The following TMEM117 variants were observed in gnomAD, a reference collection of about 807,000 sequenced individuals.
The protein encoded by TMEM117 is transmembrane protein 117.
Under a neutral mutation model 52.4 loss-of-function variants are expected in TMEM117, and 27 were observed. The observed-to-expected ratio is 0.51, with a 90% CI of 0.38 to 0.71. The LOEUF is 0.71. TMEM117 is among the 30% of genes least tolerant of loss of function. The probability of loss-of-function intolerance (pLI) is 0.00; values close to 1 mark genes in which losing one functional copy is unlikely to be tolerated. For synonymous variants in TMEM117, 215 were observed against 206.3 expected (o/e 1.04, Z -0.36); for missense variants, 556 against 630.5 (o/e 0.88, Z 1.26).
Position 44,009,067 on chromosome 12 carries a change from C to G in TMEM117, c.410+64725C>G, listed in dbSNP as rs542673179. On this transcript the variant is annotated intron_variant, in intron 3 of 7. Coordinates refer to ENST00000266534, the MANE Select transcript of TMEM117 (RefSeq NM_032256.3). ...CATTCCTGACATTTAAAAGGTTTCT[C>G]TCCTGTGTGGTGTTTCCCATGAAGA... 839 of 372,982 alleles carry G rather than the reference C, an allele frequency of 2.2e-3. 6 individuals carry two copies. The highest frequency in any genetic ancestry group is 3.4e-3 in the Non-Finnish European group (657 of 190,546). The allele number at this position is 372,982 out of a possible 1,614,324, so 23.1% of individuals were successfully genotyped here. A position where few individuals can be genotyped will look rare whatever the true frequency, so the allele number is the denominator to read the frequency against.
chr12:43,888,378 A>C (rs1944036509), intron 2 of TMEM117, among the ~76,000 whole-genome samples: 1 of 152,098 alleles, frequency 6.6e-6, no homozygotes, highest in African/African-American at 2.4e-5. Flanking sequence ...CCATACAACT[A>C]TTTTATAATT....
At chr12:44,368,190 T>A (rs1592722443) in intron 6 of TMEM117, among the ~76,000 whole-genome samples, 1 of 152,118 alleles carries the variant, frequency 6.6e-6, no homozygotes, top group East Asian at 1.9e-4. Context: ...GTTTTCTTTT[T>A]AATAATTAAA....
chr12:44,133,930 G>A (rs181885626), intron 3 of TMEM117, among the ~76,000 whole-genome samples: 61 of 152,132 alleles, frequency 4.0e-4, no homozygotes, highest in African/African-American at 1.3e-3. Context: ...TTATCTTCTT[G>A]TTACCTTTTT....
chr12:44,169,465 T>G (rs1720911514), intron 4 of TMEM117, among the ~76,000 whole-genome samples: 1 of 152,196 alleles, frequency 6.6e-6, no homozygotes, highest in Non-Finnish European at 1.5e-5. Context: ...AAGTATCTTT[T>G]CATGTACTTA....
chr12:43,966,220 C>A (rs1175680392), intron 3 of TMEM117, among the ~76,000 whole-genome samples: 1 of 152,184 alleles, frequency 6.6e-6, no homozygotes, highest in Admixed American at 6.5e-5. Flanking sequence ...CTCTTTCAAT[C>A]TGTTTTCTCT....
intron 2 of TMEM117, among the ~76,000 whole-genome samples, chr12:43,865,909 A>T (rs1943588286): frequency 6.6e-6 from 1 of 151,824 alleles, no homozygotes; most frequent in African/African-American, 2.4e-5. Flanking sequence ...TAATAAAACA[A>T]TGTATCATCT....
chr12:44,367,984 G>T (rs200346298), intron 6 of TMEM117, among the ~76,000 whole-genome samples: 1 of 152,028 alleles, frequency 6.6e-6, no homozygotes, highest in East Asian at 1.9e-4. Flanking sequence ...CCTACAGTCA[G>T]TTTATAACTG....
At chr12:43,959,009 A>G (rs959989338) in intron 3 of TMEM117, among the ~76,000 whole-genome samples, 57 of 152,072 alleles carry the variant, frequency 3.7e-4, no homozygotes, top group East Asian at 9.7e-4. Flanking sequence ...GGGTTTCACC[A>G]TGTTCGCCAG....
Position 43,972,652 on chromosome 12 carries a change from T to C in TMEM117, c.410+28310T>C, listed in dbSNP as rs547004722. On this transcript the variant is annotated intron_variant, in intron 3 of 7. Transcript: ENST00000266534. The stretch of plus-strand genomic sequence containing the variant: ...CTGATTGGTCCATTTTACAAACCTC[T>C]AGGTAGCCACAGAGTGCTGATTGGT... Among the ~76,000 whole-genome samples the C allele has an allele frequency of 1.4e-4, 21 of 152,232 alleles. 1 individual carries two copies. The highest frequency in any genetic ancestry group is 4.8e-4 in the African/African-American group (20 of 41,546).
At chr12:44,305,308 G>T (rs747597174) in intron 6 of TMEM117, among the ~76,000 whole-genome samples, 6 of 152,078 alleles carry the variant, frequency 3.9e-5, no homozygotes, top group African/African-American at 7.2e-5. Context: ...TGACAAGTGA[G>T]ACCTAATTAA....
intron 6 of TMEM117, among the ~76,000 whole-genome samples, chr12:44,320,292 A>G (rs1203611032): frequency 6.6e-6 from 1 of 152,146 alleles, no homozygotes. Context: ...TTAGACTCTT[A>G]TCACCTATAC....
At chr12:44,399,004 T>G in the TMEM117 span, among the ~76,000 whole-genome samples, 1 of 152,306 alleles carries the variant, frequency 6.6e-6, no homozygotes, top group East Asian at 1.9e-4. Flanking sequence ...TTAGCTTGAT[T>G]TAATTATTCC....
chr12:43,807,866 T>G, the TMEM117 span, among the ~76,000 whole-genome samples: 1 of 152,244 alleles, frequency 6.6e-6, no homozygotes, highest in South Asian at 2.1e-4. Flanking sequence ...TTTCTTCATC[T>G]ATTGTGTCTC....
chr12:44,029,608 C>CCT (rs373307966), intron 3 of TMEM117, among the ~76,000 whole-genome samples: 1 of 151,448 alleles, frequency 6.6e-6, no homozygotes, highest in African/African-American at 2.4e-5. Context: ...AGGCAATGCT[C>CCT]CTCTCTCTCT....
intron 6 of TMEM117, among the ~76,000 whole-genome samples, chr12:44,314,290 A>G (rs935494641): frequency 2.6e-5 from 4 of 151,994 alleles, no homozygotes; most frequent in African/African-American, 9.7e-5. Flanking sequence ...TTATTTGTTG[A>G]GGTTTTATAA....
intron 4 of TMEM117, among the ~76,000 whole-genome samples, chr12:44,148,686 T>C (rs1377277051): frequency 2.6e-5 from 4 of 152,182 alleles, no homozygotes; most frequent in Non-Finnish European, 5.9e-5. Context: ...TAAAAACTCT[T>C]CCTGACTTGA....
chr12:43,912,600 G>A (rs1340617931), intron 2 of TMEM117, among the ~76,000 whole-genome samples: 1 of 147,006 alleles, frequency 6.8e-6, no homozygotes, highest in Non-Finnish European at 1.5e-5. Flanking sequence ...TATATCCTTG[G>A]CACTTTTAAG....
intron 5 of TMEM117, among the ~76,000 whole-genome samples, chr12:44,254,429 A>T (rs1204131399): frequency 6.6e-6 from 1 of 152,012 alleles, no homozygotes; most frequent in Non-Finnish European, 1.5e-5. Context: ...ATGAAATGAA[A>T]ACTCTAAGTA....
intron 4 of TMEM117, among the ~76,000 whole-genome samples, chr12:44,180,627 G>A (rs200015443): frequency 3.3e-5 from 5 of 151,276 alleles, no homozygotes; most frequent in Admixed American, 6.6e-5. Flanking sequence ...TCTTGTGATA[G>A]TTTACTGAGA....
Sources: allele counts gnomAD v4.1 joint callset (sites outside exome capture counted in the v4.1 genomes callset), GRCh38; gene constraint gnomAD v4.1.1; transcripts MANE v1.5; gene names NCBI Gene and HGNC (gene_info 2026-07-23, HGNC 2026-07-21).